The following VWA8 variants were observed in gnomAD, a reference collection of about 807,000 sequenced individuals.
VWA8 encodes von Willebrand factor A domain containing 8.
VWA8 carries 221 observed loss-of-function variants against 241.5 expected under a neutral mutation model. The observed-to-expected ratio is 0.91, with a 90% CI of 0.82 to 1.02. VWA8 has a LOEUF of 1.02. Among genes scored for constraint, VWA8 ranks in the 50% least tolerant of loss-of-function variants. The probability of loss-of-function intolerance (pLI) is 0.00; values close to 1 mark genes in which losing one functional copy is unlikely to be tolerated. For synonymous variants in VWA8, 852 were observed against 827.1 expected (o/e 1.03, Z -0.52); for missense variants, 2,322 against 2,328.7 (o/e 1.00, Z 0.06).
rs920916170 is a variant in VWA8, at chr13:41,811,107, C to A, written c.2063+118G>T. ...ATCAGTGAAGGCAAGGCTGAAATAGCTCTACATTCAGACCAATATATTTTG... is the reference window on the plus strand; with the variant it reads ...ATCAGTGAAGGCAAGGCTGAAATAGATCTACATTCAGACCAATATATTTTG... On this transcript the variant is annotated intron_variant, in intron 17 of 44. Coordinates refer to ENST00000379310, the MANE Select transcript of VWA8 (RefSeq NM_015058.2). The A allele has an allele frequency of 1.0e-5, 8 of 790,320 alleles. No homozygotes were observed. The African/African-American group carries it at 1.4e-4, about 14-fold the overall frequency. 49.0% of individuals were successfully genotyped at this position (790,320 alleles called of 1,614,324 possible). A position where few individuals can be genotyped will look rare whatever the true frequency, so the allele number is the denominator to read the frequency against.
At chr13:41,897,568 T>C (rs1218340834) in intron 4 of VWA8, among the ~76,000 whole-genome samples, 4 of 152,180 alleles carry the variant, frequency 2.6e-5, no homozygotes, top group Non-Finnish European at 5.9e-5. Flanking sequence ...TATTAAAGTA[T>C]TGTGTCCGAA....
intron 21 of VWA8, among the ~76,000 whole-genome samples, chr13:41,746,863 T>C (rs73183368): frequency 0.014 from 2,068 of 152,306 alleles, 13 homozygotes; most frequent in South Asian, 0.019. Flanking sequence ...GGCTGAAGTG[T>C]AGATTGTAAC....
chr13:41,590,600 G>A (rs370215900), intron 41 of VWA8, 40 bp downstream of exon 41: 1 of 1,605,728 alleles, frequency 6.2e-7, no homozygotes, highest in Non-Finnish European at 8.5e-7. Flanking sequence ...AAGAGGGCTA[G>A]ACTATGCAGA....
At chr13:41,666,782 G>A (rs1456834242) in intron 37 of VWA8, among the ~76,000 whole-genome samples, 1 of 152,040 alleles carries the variant, frequency 6.6e-6, no homozygotes, top group Admixed American at 6.6e-5. Context: ...ATAATTACAG[G>A]CAATGCCCAA....
chr13:41,571,310 CCTCCCT>C (rs1555303084), intron 43 of VWA8, among the ~76,000 whole-genome samples: 138 of 107,522 alleles, frequency 1.3e-3, no homozygotes, highest in East Asian at 0.011. Flanking sequence ...CCCTCTCCCT[CCTCCCT>C]CTCCCTCTCC....
intron 4 of VWA8, among the ~76,000 whole-genome samples, chr13:41,906,837 T>C (rs188477155): frequency 6.6e-6 from 1 of 152,314 alleles, no homozygotes; most frequent in Admixed American, 6.5e-5. Flanking sequence ...TCATCTCTTC[T>C]TCCTCATTAA....
chr13:41,755,798 G>A (rs1005789310), intron 21 of VWA8, among the ~76,000 whole-genome samples: 1 of 151,678 alleles, frequency 6.6e-6, no homozygotes, highest in Non-Finnish European at 1.5e-5. Context: ...GACCCCAACT[G>A]CTCCTCTTAG....
At chr13:41,876,900 C>T (rs894787252) in intron 9 of VWA8, among the ~76,000 whole-genome samples, 16 of 152,114 alleles carry the variant, frequency 1.1e-4, no homozygotes, top group African/African-American at 3.1e-4. Context: ...CCCTACTTAT[C>T]CAATCCTGAA....
intron 20 of VWA8, among the ~76,000 whole-genome samples, chr13:41,771,690 T>C (rs2045824298): frequency 6.6e-6 from 1 of 152,142 alleles, no homozygotes; most frequent in African/African-American, 2.4e-5. Flanking sequence ...GCAATCCTTC[T>C]GCCTAAGCAC....
intron 34 of VWA8, among the ~76,000 whole-genome samples, chr13:41,688,760 G>C (rs183165838): frequency 6.6e-6 from 1 of 151,968 alleles, no homozygotes; most frequent in Admixed American, 6.6e-5. Context: ...CTCACAAGTG[G>C]GAGCGAAACA....
intron 12 of VWA8, among the ~76,000 whole-genome samples, chr13:41,851,671 T>C (rs1406054377): frequency 6.6e-6 from 1 of 152,170 alleles, no homozygotes; most frequent in Non-Finnish European, 1.5e-5. Context: ...GAGACCTCCC[T>C]AGTCATGTGG....
At chr13:41,640,004 T>C (rs1304200497) in intron 37 of VWA8, among the ~76,000 whole-genome samples, 1 of 152,128 alleles carries the variant, frequency 6.6e-6, no homozygotes, top group Admixed American at 6.5e-5. Context: ...TGGGCCACGC[T>C]TGGAAGCAAA....
chr13:41,944,273 A>C (rs898384955), intron 2 of VWA8, among the ~76,000 whole-genome samples: 2 of 152,000 alleles, frequency 1.3e-5, no homozygotes, highest in African/African-American at 4.8e-5. Context: ...GGAAATCAAA[A>C]AGTTTTCAAC....
At position 41,934,875 on chromosome 13, in the gene VWA8, C is replaced by A. The variant is rs115935540; in HGVS notation, c.241+15061G>T. Among the ~76,000 whole-genome samples the A allele has an allele frequency of 6.3e-3, 955 of 152,050 alleles. 6 individuals are homozygous for A. The highest frequency in any genetic ancestry group is 0.022 in the African/African-American group (907 of 41,508). ...ATGTAAAAACATCAAATTATACATTCTAAATATGTGCAGTGTATTGCATGT... is the reference window on the plus strand; with the variant it reads ...ATGTAAAAACATCAAATTATACATTATAAATATGTGCAGTGTATTGCATGT... On this transcript the variant is annotated intron_variant, in intron 2 of 44. Transcript: ENST00000379310.
intron 26 of VWA8, among the ~76,000 whole-genome samples, chr13:41,716,704 T>A (rs1454408989): frequency 1.3e-5 from 2 of 151,976 alleles, no homozygotes; most frequent in African/African-American, 4.8e-5. Flanking sequence ...AGCACTGCGG[T>A]TGGATTAGAG....
Position 41,882,585 on chromosome 13 carries a change from C to T in VWA8, c.1080+802G>A, listed in dbSNP as rs573033264. The stretch of plus-strand genomic sequence containing the variant: ...GGGAGGCCAAGGCTGGCGGATCACT[C>T]GCGGTTAGGAGCTGGAGACCAGCCC... On this transcript the variant is annotated intron_variant, in intron 9 of 44. Coordinates refer to ENST00000379310, the MANE Select transcript of VWA8 (RefSeq NM_015058.2). Among the ~76,000 whole-genome samples the T allele has an allele frequency of 1.3e-3, 201 of 152,352 alleles. 3 individuals carry two copies. Among genetic ancestry groups the T allele is most frequent in the Non-Finnish European group, 8.4e-4 (57 of 68,032 alleles).
intron 29 of VWA8, chr13:41,696,078 C>A (rs1348202228): frequency 6.6e-6 from 1 of 151,946 alleles, no homozygotes; most frequent in Non-Finnish European, 1.5e-5. Context: ...CCTTTTATGA[C>A]ACATTGTTTT....
intron 2 of VWA8, among the ~76,000 whole-genome samples, chr13:41,922,738 C>A (rs923371690): frequency 6.6e-6 from 1 of 152,148 alleles, no homozygotes; most frequent in Non-Finnish European, 1.5e-5. Flanking sequence ...CAATGAGATA[C>A]CATCTCACAC....
chr13:41,926,490 A>G, intron 2 of VWA8: 1 of 529,558 alleles, frequency 1.9e-6, no homozygotes, highest in South Asian at 1.5e-5. Flanking sequence ...GAACTCTATC[A>G]TAAGATGCTA....
Sources: allele counts gnomAD v4.1 joint callset (sites outside exome capture counted in the v4.1 genomes callset), GRCh38; gene constraint gnomAD v4.1.1; transcripts MANE v1.5; gene names NCBI Gene and HGNC (gene_info 2026-07-23, HGNC 2026-07-21).